Variants in ACADL observed in about 807,000 individuals in gnomAD.
ACADL encodes long-chain specific acyl-CoA dehydrogenase, mitochondrial.
In ACADL, 60 loss-of-function variants were observed where a neutral mutation model predicts 56.9. That is an observed-to-expected ratio of 1.05 (90% CI 0.86 to 1.31). The LOEUF (loss-of-function observed/expected upper bound fraction) is 1.31, where lower values mean the gene tolerates loss of function less well. Among genes scored for constraint, ACADL ranks in the 50% most tolerant of loss-of-function variants. The pLI, the probability that ACADL is intolerant of heterozygous loss-of-function variation, is 0.00. For missense variants in ACADL, 484 were observed against 525.5 expected, an observed-to-expected ratio of 0.92 and a Z score of 0.77; for synonymous variants, 158 against 179.7, an observed-to-expected ratio of 0.88 and a Z score of 0.97.
At chr2:210,196,263 C>CT (rs11328078) in intron 8 of ACADL, among the ~76,000 whole-genome samples, 27 of 147,810 alleles carry the variant, frequency 1.8e-4, no homozygotes, top group South Asian at 6.5e-4. Context: ...CATTAAACCT[C>CT]TTTTTTTTTT....
chr2:210,202,593 G>A (rs1265181569), intron 8 of ACADL, among the ~76,000 whole-genome samples: 2 of 151,968 alleles, frequency 1.3e-5, no homozygotes, highest in East Asian at 3.9e-4. Flanking sequence ...AAGACCTTAC[G>A]CAGTTGATTA....
chr2:210,192,140 A>C (rs1480658607), intron 10 of ACADL, among the ~76,000 whole-genome samples: 1 of 151,650 alleles, frequency 6.6e-6, no homozygotes, highest in East Asian at 1.9e-4. Flanking sequence ...GATCCTTTTC[A>C]TATGCCAGTT....
chr2:210,216,732 T>C (rs1317483929), intron 3 of ACADL: 1 of 496,060 alleles, frequency 2.0e-6, no homozygotes, highest in Non-Finnish European at 3.6e-6. Flanking sequence ...TGAACACTTA[T>C]TTAATTGAGA....
At chr2:210,218,397 C>T (rs1308781089) in intron 2 of ACADL, 2 of 342,864 alleles carry the variant, frequency 5.8e-6, no homozygotes, top group Non-Finnish European at 1.1e-5. Flanking sequence ...CCTCCCACCT[C>T]AGCCTCTTGA....
At chr2:210,203,486 G>A in intron 7 of ACADL, 42 bp from the exon 8 acceptor site, 1 of 1,247,384 alleles carries the variant, frequency 8.0e-7, no homozygotes, top group Non-Finnish European at 1.2e-6. Flanking sequence ...CTCTAATTAT[G>A]CAAGTGATTT....
Position 210,216,462 on chromosome 2 carries a change from C to CTATATTACATGT in ACADL, c.420_421insACATGTAATATA (p.Ile140_Val141insThrCysAsnIle), listed in dbSNP as rs754911896. The stretch of plus-strand genomic sequence containing the variant: ...CCATGGTTTGTAATATAGGACATGA[C>CTATATTACATGT]AATACCTGAATGAATACTAAAACCT... On this transcript the variant is annotated inframe_insertion, in exon 4 of 11. Transcript: ENST00000233710. 6.2e-7 allele frequency: 1 copy of CTATATTACATGT among 1,609,900 alleles called. No homozygotes were observed. Among genetic ancestry groups the CTATATTACATGT allele is most frequent in the South Asian group, 1.1e-5 (1 of 90,972 alleles).
intron 10 of ACADL, among the ~76,000 whole-genome samples, chr2:210,191,440 A>G (rs79641211): frequency 0.021 from 3,272 of 152,204 alleles, 113 homozygotes; most frequent in African/African-American, 0.075. Flanking sequence ...ACAGAGACCA[A>G]GGCTTATGCC....
intron 6 of ACADL, 88 bp downstream of exon 6, chr2:210,205,544 G>T (rs1688871352): frequency 7.6e-7 from 1 of 1,311,400 alleles, no homozygotes; most frequent in Non-Finnish European, 1.1e-6. Flanking sequence ...AAATAAAATT[G>T]TGCCACATGT....
chr2:210,190,184 A>G (rs1264417128), intron 10 of ACADL, among the ~76,000 whole-genome samples: 1 of 152,214 alleles, frequency 6.6e-6, no homozygotes, highest in South Asian at 2.1e-4. Context: ...ATGGACACTC[A>G]GTAAATATTT....
chr2:210,198,480 C>T (rs970209614), intron 8 of ACADL, among the ~76,000 whole-genome samples: 2 of 152,080 alleles, frequency 1.3e-5, no homozygotes, highest in Admixed American at 1.3e-4. Context: ...ATTAAGAACA[C>T]ATACCACACA....
At chr2:210,206,609 A>T (rs1200113043) in intron 5 of ACADL, among the ~76,000 whole-genome samples, 1 of 152,190 alleles carries the variant, frequency 6.6e-6, no homozygotes, top group African/African-American at 2.4e-5. Flanking sequence ...TAAGGAGGGA[A>T]AAATGACAAG....
intron 1 of ACADL, chr2:210,224,504 A>G: frequency 3.0e-6 from 3 of 985,336 alleles, no homozygotes; most frequent in Non-Finnish European, 3.6e-6. Flanking sequence ...TATGCATCAG[A>G]CAGTATCTGA....
intron 2 of ACADL, chr2:210,218,487 A>G: frequency 4.4e-6 from 1 of 227,940 alleles, no homozygotes; most frequent in Admixed American, 5.3e-5. Flanking sequence ...GGGTCTTATT[A>G]TGTTGCCCAT....
At chr2:210,204,373 T>C (rs1475130384) in intron 7 of ACADL, among the ~76,000 whole-genome samples, 1 of 152,212 alleles carries the variant, frequency 6.6e-6, no homozygotes, top group Non-Finnish European at 1.5e-5. Flanking sequence ...TTTATAAGCT[T>C]TGATTGGATA....
rs1376266366 is a variant in ACADL, at chr2:210,195,302, T to C, written c.1021A>G (p.Ile341Val). ...QHKLAELKTHICVTRAFVDNC... is the reference protein window; with the variant it reads ...QHKLAELKTHVCVTRAFVDNC... ...TCCACAAATGCTCGGGTTACACATATATGTGTTTTTAATTCTGCTAATTTA... is the reference window on the plus strand; with the variant it reads ...TCCACAAATGCTCGGGTTACACATACATGTGTTTTTAATTCTGCTAATTTA... The change falls in exon 9 of 11, where the codon ATA becomes GTA. Residue 341 changes from isoleucine to valine, a missense_variant. By Grantham distance (29) the Ile-to-Val change is conservative (BLOSUM62 3). Transcript: ENST00000233710. The C allele has an allele frequency of 1.2e-6, 2 of 1,613,524 alleles. No homozygotes were observed. Among genetic ancestry groups the C allele is most frequent in the Non-Finnish European group, 1.7e-6 (2 of 1,179,504 alleles).
At chr2:210,196,596 T>C (rs1688714316) in intron 8 of ACADL, among the ~76,000 whole-genome samples, 1 of 152,186 alleles carries the variant, frequency 6.6e-6, no homozygotes, top group Admixed American at 6.6e-5. Flanking sequence ...GCACTGACTC[T>C]TGAGCCTCCC....
intron 8 of ACADL, among the ~76,000 whole-genome samples, chr2:210,199,461 C>T (rs1227083536): frequency 1.3e-5 from 2 of 151,954 alleles, no homozygotes; most frequent in East Asian, 3.9e-4. Flanking sequence ...TTATTTTTTG[C>T]TATTAAAATA....
intron 7 of ACADL, among the ~76,000 whole-genome samples, chr2:210,204,026 C>A (rs1349029169): frequency 6.6e-6 from 1 of 152,046 alleles, no homozygotes; most frequent in Non-Finnish European, 1.5e-5. Flanking sequence ...GTAAAAGTAG[C>A]CTTAGTCAGT....
chr2:210,204,335 A>G (rs1287137047), intron 7 of ACADL, among the ~76,000 whole-genome samples: 2 of 152,198 alleles, frequency 1.3e-5, no homozygotes, highest in East Asian at 3.8e-4. Flanking sequence ...GGAATCACAG[A>G]ACTGAAATAT....
Sources: gnomAD v4.1 joint callset for allele counts (sites outside exome capture counted in the v4.1 genomes callset) on GRCh38, gnomAD v4.1.1 for gene constraint, MANE v1.5 for transcripts, NCBI Gene and HGNC (gene_info 2026-07-23, HGNC 2026-07-21) for gene names.